Variants in FAM184A observed in about 807,000 individuals in gnomAD.
FAM184A encodes the protein protein FAM184A.
In FAM184A, 99 loss-of-function variants were observed where a neutral mutation model predicts 143.8. The observed-to-expected ratio is 0.69, with a 90% CI of 0.58 to 0.81. The LOEUF is 0.81. Among genes scored for constraint, FAM184A ranks in the 40% least tolerant of loss-of-function variants. FAM184A has a pLI of 0.00. For missense variants in FAM184A, 1,217 were observed against 1,310.5 expected (o/e 0.93, Z 1.10); for synonymous variants, 427 against 446.4 (o/e 0.96, Z 0.55).
intron 1 of FAM184A, among the ~76,000 whole-genome samples, chr6:119,138,811 G>C (rs1772108959): frequency 6.6e-6 from 1 of 152,064 alleles, no homozygotes; most frequent in Non-Finnish European, 1.5e-5. Context: ...ATTTTTAGTA[G>C]AGACGGGGTT....
chr6:118,987,310 G>A (rs2114600954), intron 9 of FAM184A, among the ~76,000 whole-genome samples: 1 of 152,216 alleles, frequency 6.6e-6, no homozygotes, highest in South Asian at 2.1e-4. Flanking sequence ...TTACTATCTG[G>A]TCCTTTACAG....
chr6:118,967,926 T>C (rs1783550837), intron 14 of FAM184A, among the ~76,000 whole-genome samples: 1 of 152,248 alleles, frequency 6.6e-6, no homozygotes, highest in Admixed American at 6.5e-5. Flanking sequence ...TATACATTCC[T>C]ATTCCCACCC....
At chr6:119,009,950 G>T (rs1785040822) in intron 6 of FAM184A, among the ~76,000 whole-genome samples, 1 of 152,148 alleles carries the variant, frequency 6.6e-6, no homozygotes, top group Admixed American at 6.5e-5. Flanking sequence ...CAGAATGAAA[G>T]TATTTAACTC....
At chr6:118,979,989 A>G (rs1333850692) in intron 10 of FAM184A, 149 bp downstream of exon 10, 3 of 628,404 alleles carry the variant, frequency 4.8e-6, no homozygotes, top group Non-Finnish European at 8.4e-6. Context: ...TCGAGACTGC[A>G]GTGAGCCATG....
At chr6:119,112,960 T>C (rs1582626982) in intron 1 of FAM184A, among the ~76,000 whole-genome samples, 1 of 152,280 alleles carries the variant, frequency 6.6e-6, no homozygotes, top group East Asian at 1.9e-4. Flanking sequence ...TTTCCTTGCC[T>C]AAATGCTAAG....
At chr6:119,087,282 T>C (rs545750344) in intron 1 of FAM184A, among the ~76,000 whole-genome samples, 1 of 152,236 alleles carries the variant, frequency 6.6e-6, no homozygotes, top group Non-Finnish European at 1.5e-5. Context: ...CAAAAGATAC[T>C]AACAAGAGAG....
intron 6 of FAM184A, among the ~76,000 whole-genome samples, chr6:119,006,978 A>T (rs1027993903): frequency 2.0e-5 from 3 of 152,202 alleles, no homozygotes; most frequent in African/African-American, 7.2e-5. Context: ...CATCCTTTAA[A>T]ATTTAATCAC....
rs773202171 is a variant in FAM184A at position 118,979,430 on chromosome 6, A to G, written c.2390T>C (p.Ile797Thr). The change falls in exon 11 of 18, where the codon ATA becomes ACA. Residue 797 changes from isoleucine to threonine, a missense_variant. Transcript: ENST00000338891. ...AHRESMEGFRIEMEQELQTLR... is the reference protein window; with the variant it reads ...AHRESMEGFRTEMEQELQTLR... The stretch of plus-strand genomic sequence containing the variant: ...AGTCTGAAGTTCCTGTTCCATTTCT[A>G]TCCGGAAGCCCTCCATTGACTCTCT... The G allele has an allele frequency of 3.7e-6, 6 of 1,613,846 alleles. No individual in the cohort carries two copies. The highest frequency in any genetic ancestry group is 2.2e-5 in the East Asian group (1 of 44,834).
intron 7 of FAM184A, chr6:119,005,316 T>C (rs1195584430): frequency 1.3e-5 from 2 of 152,178 alleles, no homozygotes; most frequent in African/African-American, 4.8e-5. Context: ...TAATTTATTG[T>C]CACATAATTC....
intron 7 of FAM184A, among the ~76,000 whole-genome samples, chr6:119,004,568 A>G (rs1030024355): frequency 3.9e-5 from 6 of 152,212 alleles, no homozygotes; most frequent in Non-Finnish European, 7.3e-5. Context: ...AACGGAGTAG[A>G]CTGCTTAAAA....
Position 119,098,094 on chromosome 6 carries a change from C to T in FAM184A, c.-202+50984G>A, listed in dbSNP as rs183013816. On this transcript the variant is annotated intron_variant, in intron 1 of 16. Transcript: ENST00000352896. ...ATTCCCATGTGTTGTGGGAGGGACC[C>T]GGTGAGAGATAATTGAATCATGGGA... Among the ~76,000 whole-genome samples, 119 of 152,136 alleles carry T rather than the reference C, an allele frequency of 7.8e-4. 1 individual carries two copies. The highest frequency in any genetic ancestry group is 2.7e-3 in the African/African-American group (110 of 41,474).
intron 1 of FAM184A, among the ~76,000 whole-genome samples, chr6:119,111,725 G>A (rs1026093191): frequency 3.3e-5 from 5 of 152,186 alleles, no homozygotes; most frequent in Middle Eastern, 3.2e-3. Context: ...TGGCGGTGTC[G>A]AGAATGCAGC....
At chr6:119,001,966 G>A (rs1224893051) in intron 9 of FAM184A, among the ~76,000 whole-genome samples, 2 of 152,026 alleles carry the variant, frequency 1.3e-5, no homozygotes, top group African/African-American at 4.8e-5. Context: ...TCAAGTGACT[G>A]ACAAAAGCTC....
At chr6:119,052,760 C>T (rs1786815304) in intron 1 of FAM184A, among the ~76,000 whole-genome samples, 1 of 152,148 alleles carries the variant, frequency 6.6e-6, no homozygotes, top group Admixed American at 6.5e-5. Flanking sequence ...CTGAAAGAGG[C>T]CAGTATCACA....
chr6:119,041,279 T>C lies in FAM184A; in HGVS notation c.160-16466A>G, dbSNP rs1030658536. ...GTCCCAAGCTAAAATTATGATGAGATGGGACTGAGAGACAAGACTAGCTGG... is the reference window on the plus strand; with the variant it reads ...GTCCCAAGCTAAAATTATGATGAGACGGGACTGAGAGACAAGACTAGCTGG... On this transcript the variant is annotated intron_variant, in intron 1 of 17. Transcript: ENST00000338891. 3.9e-5 allele frequency among the ~76,000 whole-genome samples: 6 copies of C among 152,136 alleles called. No homozygotes were observed. In the East Asian group the frequency reaches 7.7e-4, roughly 20 times the overall value.
At chr6:119,039,597 T>A (rs1786241927) in intron 1 of FAM184A, among the ~76,000 whole-genome samples, 1 of 152,156 alleles carries the variant, frequency 6.6e-6, no homozygotes, top group Non-Finnish European at 1.5e-5. Flanking sequence ...AGTAAATAGA[T>A]CAGTAGTTGC....
intron 1 of FAM184A, among the ~76,000 whole-genome samples, chr6:119,100,360 A>G (rs1229934590): frequency 6.6e-6 from 1 of 152,182 alleles, no homozygotes; most frequent in Non-Finnish European, 1.5e-5. Context: ...GACACATTGT[A>G]AAGCACATCT....
chr6:119,009,782 G>T (rs1287950826), intron 6 of FAM184A, among the ~76,000 whole-genome samples: 4 of 152,026 alleles, frequency 2.6e-5, no homozygotes, highest in African/African-American at 7.2e-5. Context: ...ATAGTAGTAG[G>T]GACCATGTCT....
intron 1 of FAM184A, among the ~76,000 whole-genome samples, chr6:119,099,442 A>G (rs1788587301): frequency 6.6e-6 from 1 of 152,100 alleles, no homozygotes; most frequent in South Asian, 2.1e-4. Context: ...CCTTTATTTC[A>G]TGCTTGGGGG....
Sources: gnomAD v4.1 joint callset for allele counts (sites outside exome capture counted in the v4.1 genomes callset) on GRCh38, gnomAD v4.1.1 for gene constraint, MANE v1.5 for transcripts, NCBI Gene and HGNC (gene_info 2026-07-23, HGNC 2026-07-21) for gene names.